ZBTB20: variants seen among roughly 807,000 people sequenced by gnomAD.
ZBTB20 encodes the protein zinc finger and BTB domain-containing protein 20.
In ZBTB20, 9 loss-of-function variants were observed where a neutral mutation model predicts 56.9. The observed-to-expected ratio is 0.16, with a 90% confidence interval of 0.10 to 0.28. The LOEUF is 0.28. ZBTB20 is among the 10% of genes least tolerant of loss of function. ZBTB20 has a pLI of 1.00. For synonymous variants in ZBTB20, 417 were observed against 420.7 expected (o/e 0.99, Z 0.11); for missense variants, 655 against 1,003.0 (o/e 0.65, Z 4.69).
intron 4 of ZBTB20, among the ~76,000 whole-genome samples, chr3:114,802,913 A>G (rs770904467): frequency 5.9e-5 from 9 of 151,916 alleles, no homozygotes; most frequent in Non-Finnish European, 1.3e-4. Flanking sequence ...ACAACTAGTA[A>G]TTCAATTCAT....
chr3:114,436,028 C>A (rs1165201698), intron 7 of ZBTB20, among the ~76,000 whole-genome samples: 1 of 152,174 alleles, frequency 6.6e-6, no homozygotes, highest in Non-Finnish European at 1.5e-5. Flanking sequence ...GAATTACCAC[C>A]TCCTGTAACT....
intron 2 of ZBTB20, among the ~76,000 whole-genome samples, chr3:115,057,162 A>T (rs1404778735): frequency 6.6e-6 from 1 of 152,142 alleles, no homozygotes; most frequent in African/African-American, 2.4e-5. Context: ...TGTCATTGCA[A>T]TTATTGATTG....
intron 7 of ZBTB20, among the ~76,000 whole-genome samples, chr3:114,423,128 A>C (rs2089335779): frequency 1.3e-5 from 2 of 152,104 alleles, no homozygotes; most frequent in Admixed American, 1.3e-4. Flanking sequence ...CAATGTCTAA[A>C]CTTCACTGAG....
intron 4 of ZBTB20, among the ~76,000 whole-genome samples, chr3:114,846,453 C>T (rs539245745): frequency 8.3e-4 from 126 of 152,274 alleles, no homozygotes; most frequent in African/African-American, 3.0e-3. Context: ...AATGAGAGCT[C>T]TCCTAGAGCC....
chr3:115,000,242 C>G (rs1388704649), intron 2 of ZBTB20, among the ~76,000 whole-genome samples: 1 of 151,506 alleles, frequency 6.6e-6, no homozygotes, highest in Non-Finnish European at 1.5e-5. Context: ...GATAACAGAT[C>G]TGAATGTAGA....
chr3:114,757,660 A>G (rs2068103571), intron 5 of ZBTB20, among the ~76,000 whole-genome samples: 1 of 152,128 alleles, frequency 6.6e-6, no homozygotes, highest in Non-Finnish European at 1.5e-5. Context: ...TTAAACCTTT[A>G]AAAAATATAT....
intron 3 of ZBTB20, among the ~76,000 whole-genome samples, chr3:114,969,596 G>A (rs963287206): frequency 1.3e-5 from 2 of 152,080 alleles, no homozygotes; most frequent in Non-Finnish European, 2.9e-5. Flanking sequence ...TATTATAATA[G>A]TGTTATAAAC....
At position 114,800,104 on chromosome 3, in the gene ZBTB20, A is replaced by G. The variant is rs1224635190; in HGVS notation, c.-343+997T>C. 2.6e-5 allele frequency among the ~76,000 whole-genome samples: 4 copies of G among 152,058 alleles called. No homozygotes were observed. In the East Asian group the frequency reaches 5.8e-4, roughly 22 times the overall value. Reference sequence around the variant, plus strand: ...GGTAAGTGTTTTAAGACTCTTAGCGAAAGAACTTGCAATACATTAAACTGT... The same window carrying G: ...GGTAAGTGTTTTAAGACTCTTAGCGGAAGAACTTGCAATACATTAAACTGT... On this transcript the variant is annotated intron_variant, in intron 5 of 11. Transcript: ENST00000675478.
chr3:114,721,694 C>T (rs1218254427), intron 5 of ZBTB20, among the ~76,000 whole-genome samples: 2 of 152,122 alleles, frequency 1.3e-5, no homozygotes, highest in Admixed American at 1.3e-4. Context: ...GTTCTCCTAA[C>T]CCCCACACTT....
intron 7 of ZBTB20, among the ~76,000 whole-genome samples, chr3:114,390,631 A>G (rs1409007068): frequency 6.6e-6 from 1 of 152,124 alleles, no homozygotes; most frequent in Non-Finnish European, 1.5e-5. Context: ...GACCTCAACA[A>G]TCACTTCTCC....
intron 2 of ZBTB20, among the ~76,000 whole-genome samples, chr3:115,008,368 T>C (rs938837254): frequency 2.6e-5 from 4 of 151,910 alleles, no homozygotes; most frequent in Non-Finnish European, 5.9e-5. Flanking sequence ...GTAATCTGTA[T>C]GCTGAGGGTT....
intron 7 of ZBTB20, among the ~76,000 whole-genome samples, chr3:114,484,823 G>A (rs924071159): frequency 1.3e-5 from 2 of 151,074 alleles, no homozygotes; most frequent in Non-Finnish European, 3.0e-5. Context: ...GTGTGTGCGC[G>A]TGCATGTGTG....
At chr3:114,468,259 A>G (rs2092627978) in intron 7 of ZBTB20, among the ~76,000 whole-genome samples, 1 of 152,204 alleles carries the variant, frequency 6.6e-6, no homozygotes, top group Non-Finnish European at 1.5e-5. Context: ...TCTCTAAAGA[A>G]TAAAGGTAAG....
chr3:114,812,913 T>C (rs919947279), intron 4 of ZBTB20, among the ~76,000 whole-genome samples: 1 of 149,652 alleles, frequency 6.7e-6, no homozygotes, highest in African/African-American at 2.5e-5. Flanking sequence ...AGCCCCTCAC[T>C]GCCCGGGGCC....
chr3:114,956,012 A>G (rs117397480), intron 3 of ZBTB20, among the ~76,000 whole-genome samples: 1 of 152,202 alleles, frequency 6.6e-6, no homozygotes, highest in African/African-American at 2.4e-5. Context: ...TGAAACACCC[A>G]TATATCATGC....
In ZBTB20 at chr3:114,350,989, G is replaced by T; in HGVS notation, c.1089C>A (p.Ala363=). 1.2e-6 allele frequency: 2 copies of T among 1,609,356 alleles called. No homozygotes were observed. ...SEECTEDTDQ[A]EGTESEPKGE... ...CTTTGGGCTCACTCTCGGTGCCCTC[G>T]GCCTGGTCTGTGTCTTCCGTGCACT... The change falls in exon 11 of 12, where the codon GCC becomes GCA. Residue 363 remains alanine, a synonymous_variant. Coordinates refer to ENST00000675478, the MANE Select transcript of ZBTB20 (RefSeq NM_001348800.3).
At chr3:114,832,887 T>TA (rs2073928093) in intron 4 of ZBTB20, among the ~76,000 whole-genome samples, 1 of 152,140 alleles carries the variant, frequency 6.6e-6, no homozygotes, top group African/African-American at 2.4e-5. Flanking sequence ...TGACTAGACT[T>TA]ATTTTGGAAC....
At chr3:115,023,777 T>C (rs1390877249) in intron 2 of ZBTB20, among the ~76,000 whole-genome samples, 2 of 151,082 alleles carry the variant, frequency 1.3e-5, no homozygotes, top group Admixed American at 6.6e-5. Context: ...ACTACTGGTG[T>C]ACTCAGAGGA....
chr3:114,644,423 G>T (rs1247251963), intron 6 of ZBTB20, among the ~76,000 whole-genome samples: 1 of 152,036 alleles, frequency 6.6e-6, no homozygotes, highest in Admixed American at 6.6e-5. Flanking sequence ...TTATGTTATG[G>T]TTCATTTATA....
Sources: gnomAD v4.1 joint callset for allele counts (sites outside exome capture counted in the v4.1 genomes callset) on GRCh38, gnomAD v4.1.1 for gene constraint, MANE v1.5 for transcripts, NCBI Gene and HGNC (gene_info 2026-07-23, HGNC 2026-07-21) for gene names.